RREB1: variants seen among roughly 807,000 people sequenced by gnomAD.
RREB1 encodes ras responsive element binding protein 1.
A neutral mutation model predicts 117.8 loss-of-function variants in RREB1; 27 were observed. The ratio of observed to expected loss-of-function variants is 0.23; its 90% CI spans 0.17 to 0.32. The LOEUF (loss-of-function observed/expected upper bound fraction) is 0.32. Among genes scored for constraint, RREB1 ranks in the 10% least tolerant of loss-of-function variants. The pLI is 1.00. For synonymous variants in RREB1, 1,298 were observed against 1,026.7 expected (o/e 1.26, Z -5.05); for missense variants, 2,577 against 2,378.2 (o/e 1.08, Z -1.74).
At chr6:7,221,909 T>C (rs1172777959) in intron 8 of RREB1, among the ~76,000 whole-genome samples, 1 of 152,238 alleles carries the variant, frequency 6.6e-6, no homozygotes, top group Non-Finnish European at 1.5e-5. Flanking sequence ...AACGGGCTTT[T>C]CCTGATTTCT....
Position 7,246,609 on chromosome 6 carries a change from A to G in RREB1, c.4159A>G (p.Ser1387Gly). The G allele has an allele frequency of 6.4e-7, 1 of 1,561,602 alleles. No homozygotes were observed. Among genetic ancestry groups the G allele is most frequent in the Non-Finnish European group, 8.7e-7 (1 of 1,153,304 alleles). Residue 1387 changes from serine (S) to glycine (G), a missense_variant, in exon 12 of 13, where the codon AGC (serine) becomes GGC (glycine). Coordinates refer to ENST00000379938, the MANE Select transcript of RREB1 (RefSeq NM_001003699.4). Reference protein sequence around the residue: ...VHREEHGRGESHEPEEEHGTE... With the variant: ...VHREEHGRGEGHEPEEEHGTE... Reference sequence around the variant, plus strand: ...CCGGGAAGAGCACGGGCGTGGGGAGAGCCATGAGCCGGAGGAGGAGCATGG... The same window carrying G: ...CCGGGAAGAGCACGGGCGTGGGGAGGGCCATGAGCCGGAGGAGGAGCATGG...
chr6:7,168,049 T>C (rs536862623), intron 1 of RREB1, among the ~76,000 whole-genome samples: 3 of 151,966 alleles, frequency 2.0e-5, no homozygotes, highest in East Asian at 1.9e-4. Flanking sequence ...TCACTTGAGG[T>C]CAGGAGTTTG....
chr6:7,202,666 C>T (rs1427345866), intron 6 of RREB1, among the ~76,000 whole-genome samples: 1 of 152,138 alleles, frequency 6.6e-6, no homozygotes. Context: ...GGGATTTGGA[C>T]CCCAGGCTGC....
chr6:7,158,238 C>T (rs979915313), intron 1 of RREB1, among the ~76,000 whole-genome samples: 1 of 152,154 alleles, frequency 6.6e-6, no homozygotes, highest in African/African-American at 2.4e-5. Flanking sequence ...CCTTTCTGCC[C>T]TTTCCATTGT....
intron 1 of RREB1, among the ~76,000 whole-genome samples, chr6:7,164,567 C>T (rs1180668075): frequency 6.6e-6 from 1 of 152,158 alleles, no homozygotes; most frequent in Non-Finnish European, 1.5e-5. Flanking sequence ...TGTGAGTTCC[C>T]TCAGGTCATC....
chr6:7,198,210 C>CCCATCTTAAAATTA, intron 6 of RREB1, among the ~76,000 whole-genome samples: 1 of 152,280 alleles, frequency 6.6e-6, no homozygotes, highest in Admixed American at 6.5e-5. Context: ...TTCAGTCAGT[C>CCCATCTTAAAATTA]CCATCTTAAA....
In RREB1 at chr6:7,246,494, G is replaced by A. The variant is rs1180553677; in HGVS notation, c.4044G>A (p.Glu1348=). The change falls in exon 12 of 13, where the codon GAG becomes GAA. Residue 1348 remains glutamate (E), a synonymous_variant. Coordinates refer to ENST00000379938, the MANE Select transcript of RREB1 (RefSeq NM_001003699.4). The part of the protein sequence containing the change: ...EVLDLTSRDR[E]QPSEGATELR... Reference sequence around the variant, plus strand: ...TAGACCTCACCTCACGGGACAGAGAGCAGCCGTCGGAGGGCGCCACTGAGC... The same window carrying A: ...TAGACCTCACCTCACGGGACAGAGAACAGCCGTCGGAGGGCGCCACTGAGC... 6.5e-6 allele frequency: 10 copies of A among 1,543,770 alleles called. No homozygotes were observed. The East Asian group carries it at 1.5e-4, about 23-fold the overall frequency.
Position 7,248,657 on chromosome 6 carries a change from A to G in RREB1, c.4918A>G (p.Ser1640Gly), listed in dbSNP as rs777724169. ...SDKEERGEED[S>G]ENESTHSGNN... Reference sequence around the variant, plus strand: ...CAAGGAAGAGCGGGGTGAGGAGGACAGCGAGAATGAGTCCACCCACAGCGG... The same window carrying G: ...CAAGGAAGAGCGGGGTGAGGAGGACGGCGAGAATGAGTCCACCCACAGCGG... The change falls in exon 13 of 13, where the codon AGC becomes GGC. Residue 1640 changes from serine to glycine, a missense_variant. Physicochemically the swap from Ser to Gly is moderately conservative, Grantham distance 56. Transcript: ENST00000379938. 8 of 1,614,032 alleles carry G rather than the reference A, an allele frequency of 5.0e-6. No individual in the cohort carries two copies. Among genetic ancestry groups the G allele is most frequent in the Non-Finnish European group, 5.1e-6 (6 of 1,180,034 alleles).
rs1769399451 is a variant in RREB1, at chr6:7,251,364, G to C, written c.*2396G>C. 1 of 151,690 alleles carries C rather than the reference G, an allele frequency of 6.6e-6. No individual in the cohort carries two copies. Among genetic ancestry groups the C allele is most frequent in the Admixed American group, 6.6e-5 (1 of 15,212 alleles). 9.4% of individuals were successfully genotyped at this position (151,690 alleles called of 1,614,324 possible). ...CTCTGGGTGAATCATAGCTTAGTTT[G>C]CATGTCCAGCTAATTTGTTTCTATA... On this transcript the variant is annotated 3_prime_UTR_variant, in exon 13 of 13. Coordinates refer to ENST00000379938, the MANE Select transcript of RREB1 (RefSeq NM_001003699.4).
At chr6:7,202,443 A>G (rs539771978) in intron 6 of RREB1, among the ~76,000 whole-genome samples, 6 of 152,088 alleles carry the variant, frequency 3.9e-5, no homozygotes, top group African/African-American at 1.2e-4. Flanking sequence ...CCCTCCTCCT[A>G]CAGAGCTTAG....
intron 1 of RREB1, chr6:7,140,743 T>C (rs1269703243): frequency 1.3e-5 from 2 of 152,266 alleles, no homozygotes; most frequent in Admixed American, 6.5e-5. Flanking sequence ...GTTGCGAAGA[T>C]AGAACAAGAG....
At position 7,246,653 on chromosome 6, in the gene RREB1, G is replaced by T. The variant is rs1384876969; in HGVS notation, c.4203G>T (p.Gly1401=). 11 of 1,575,588 alleles carry T rather than the reference G, an allele frequency of 7.0e-6. 1 individual carries two copies. In the South Asian group the frequency reaches 1.3e-4, roughly 18 times the overall value. Residue 1401 remains glycine (G), a synonymous_variant, in exon 12 of 13, where the codon GGG becomes GGT. Coordinates refer to ENST00000379938, the MANE Select transcript of RREB1 (RefSeq NM_001003699.4). ...EEEHGTEEST[G]DADGAEEDAS... is the part of the protein sequence containing the mutation. ...AGCATGGCACTGAGGAGAGCACTGG[G>T]GACGCCGACGGCGCGGAAGAGGACG...
Position 7,230,099 on chromosome 6 carries a change from G to C in RREB1, c.2000G>C (p.Gly667Ala). Residue 667 changes from glycine (G) to alanine (A), a missense_variant, in exon 10 of 13, where the codon GGC (glycine) becomes GCC (alanine). Physicochemically the swap from Gly to Ala is moderately conservative, Grantham distance 60. Transcript: ENST00000379938. Reference protein sequence around the residue: ...VLRAHVRSHLGISPYQCNICD... With the variant: ...VLRAHVRSHLAISPYQCNICD... ...CGTGCCCACGTGCGCTCCCACCTGG[G>C]CATCTCGCCATACCAGTGCAACATC... 6.2e-7 allele frequency: 1 copy of C among 1,602,056 alleles called. No homozygotes were observed. The highest frequency in any genetic ancestry group is 1.3e-5 in the African/African-American group (1 of 74,858).
At chr6:7,168,254 GAAAAAAAAAAAAA>G (rs574593859) in intron 1 of RREB1, among the ~76,000 whole-genome samples, 1 of 72,930 alleles carries the variant, frequency 1.4e-5, no homozygotes, top group East Asian at 4.5e-4. Flanking sequence ...GACTCCGTCT[GAAAAAAAAAAAAA>G]AAAAAAAAAG....
At chr6:7,223,692 A>C (rs1767413208) in intron 8 of RREB1, among the ~76,000 whole-genome samples, 1 of 152,190 alleles carries the variant, frequency 6.6e-6, no homozygotes, top group Non-Finnish European at 1.5e-5. Context: ...ATGCAAATAC[A>C]TATGTACATA....
chr6:7,110,479 G>GTGTGTGT (rs1761085978), intron 1 of RREB1, among the ~76,000 whole-genome samples: 69 of 149,520 alleles, frequency 4.6e-4, no homozygotes, highest in Non-Finnish European at 8.6e-4. Context: ...TTTTAGGGGT[G>GTGTGTGT]GTGTGTGTGT....
At chr6:7,146,341 C>A (rs1269415838) in intron 1 of RREB1, among the ~76,000 whole-genome samples, 4 of 151,706 alleles carry the variant, frequency 2.6e-5, no homozygotes, top group Admixed American at 2.6e-4. Flanking sequence ...CTCTGTGGGA[C>A]CGGGGGTAGA....
chr6:7,194,577 G>A (rs1765575151), intron 6 of RREB1, among the ~76,000 whole-genome samples: 1 of 152,074 alleles, frequency 6.6e-6, no homozygotes. Context: ...GCTAATTGTT[G>A]GTTTTCTGGT....
intron 10 of RREB1, among the ~76,000 whole-genome samples, chr6:7,232,272 G>A (rs1025805696): frequency 1.3e-5 from 2 of 152,218 alleles, no homozygotes; most frequent in South Asian, 2.1e-4. Flanking sequence ...CTCCACAGAC[G>A]TGAGACTTTG....
Sources: allele counts gnomAD v4.1 joint callset (sites outside exome capture counted in the v4.1 genomes callset), GRCh38; gene constraint gnomAD v4.1.1; transcripts MANE v1.5; gene names NCBI Gene and HGNC (gene_info 2026-07-23, HGNC 2026-07-21).